The following PEX13 variants were observed in gnomAD, a reference collection of about 807,000 sequenced individuals.
PEX13 encodes the protein peroxisomal biogenesis factor 13.
PEX13 carries 28 observed loss-of-function variants against 34.5 expected under a neutral mutation model. The ratio of observed to expected loss-of-function variants is 0.81; its 90% CI spans 0.60 to 1.11. PEX13 has a LOEUF of 1.11. PEX13 is among the 50% of genes most tolerant of loss of function. PEX13 has a pLI of 0.00. For missense variants in PEX13, 550 were observed against 491.0 expected (o/e 1.12, Z -1.13); for synonymous variants, 177 against 175.1 (o/e 1.01, Z -0.09).
At chr2:61,031,304 T>G (rs892617046) in intron 1 of PEX13, 115 bp from the exon 2 acceptor site, 1 of 786,370 alleles carries the variant, frequency 1.3e-6, no homozygotes, top group Non-Finnish European at 2.2e-6. Flanking sequence ...AATCAATTAA[T>G]CAGTCTTCAG....
At chr2:61,036,131 G>A (rs1680530544) in intron 2 of PEX13, among the ~76,000 whole-genome samples, 2 of 152,178 alleles carry the variant, frequency 1.3e-5, no homozygotes, top group South Asian at 4.1e-4. Context: ...ACGGGACTAT[G>A]TGAAAAGACC....
At chr2:61,036,123 G>C (rs550877992) in intron 2 of PEX13, among the ~76,000 whole-genome samples, 1 of 152,056 alleles carries the variant, frequency 6.6e-6, no homozygotes, top group Non-Finnish European at 1.5e-5. Context: ...CAAGAAATAC[G>C]GGACTATGTG....
At position 61,049,741 on chromosome 2, in the gene PEX13, C is replaced by T. The variant is rs1044128474; in HGVS notation, c.*971C>T. 5 of 152,196 alleles carry T rather than the reference C, an allele frequency of 3.3e-5. No individual in the cohort carries two copies. The highest frequency in any genetic ancestry group is 9.7e-5 in the African/African-American group (4 of 41,444). The allele number at this position is 152,196 out of a possible 1,614,324, so 9.4% of individuals were successfully genotyped here. On this transcript the variant is annotated 3_prime_UTR_variant, in exon 4 of 4. Transcript: ENST00000295030. ...CTGAGCCGGAGATCTCGCCATTGCA[C>T]TTCAGCCTGGGCAACAAAAGCGAAA...
intron 2 of PEX13, among the ~76,000 whole-genome samples, chr2:61,041,909 G>A (rs1486657041): frequency 1.3e-5 from 2 of 152,070 alleles, no homozygotes; most frequent in Non-Finnish European, 2.9e-5. Context: ...AAGGAAGGAC[G>A]GTTTTTTATC....
At chr2:61,033,164 G>A (rs960329410) in intron 2 of PEX13, among the ~76,000 whole-genome samples, 3 of 152,100 alleles carry the variant, frequency 2.0e-5, no homozygotes, top group Admixed American at 6.5e-5. Flanking sequence ...AAAGGATTTG[G>A]GTTGTATTCA....
intron 3 of PEX13, 127 bp downstream of exon 3, chr2:61,045,978 T>C: frequency 1.2e-6 from 1 of 819,710 alleles, no homozygotes; most frequent in Admixed American, 2.0e-5. Context: ...GAACTTCTTT[T>C]TCATGTCAAT....
intron 3 of PEX13, among the ~76,000 whole-genome samples, chr2:61,046,360 C>T (rs999067509): frequency 6.6e-5 from 10 of 152,062 alleles, no homozygotes; most frequent in Admixed American, 1.3e-4. Context: ...TATTTTTGGA[C>T]CAAGTCACTG....
chr2:61,030,612 G>A (rs556061912), intron 1 of PEX13, among the ~76,000 whole-genome samples: 1 of 152,104 alleles, frequency 6.6e-6, no homozygotes, highest in Non-Finnish European at 1.5e-5. Context: ...TTGTGCTGTT[G>A]GCCATGAGTT....
At chr2:61,035,663 C>T (rs1212512872) in intron 2 of PEX13, among the ~76,000 whole-genome samples, 1 of 152,136 alleles carries the variant, frequency 6.6e-6, no homozygotes, top group East Asian at 1.9e-4. Context: ...AGCACAAGAA[C>T]TTCATGATGC....
chr2:61,042,736 G>A (rs1425568739), intron 2 of PEX13, among the ~76,000 whole-genome samples: 1 of 152,098 alleles, frequency 6.6e-6, no homozygotes, highest in Non-Finnish European at 1.5e-5. Context: ...CCCAAGCAAG[G>A]AAACCTGTTT....
chr2:61,048,279 A>G, intron 3 of PEX13, among the ~76,000 whole-genome samples, 193 bp from the exon 4 acceptor site: 2 of 152,358 alleles, frequency 1.3e-5, no homozygotes, highest in South Asian at 4.1e-4. Context: ...GTAAGTATAA[A>G]ATAAAAATAG....
chr2:61,036,202 C>T (rs1263945334), intron 2 of PEX13, among the ~76,000 whole-genome samples: 1 of 152,130 alleles, frequency 6.6e-6, no homozygotes, highest in Non-Finnish European at 1.5e-5. Flanking sequence ...AGTTAGAAAA[C>T]ACTCCTCAGG....
chr2:61,044,600 G>C (rs1305255950), intron 2 of PEX13, among the ~76,000 whole-genome samples: 1 of 152,024 alleles, frequency 6.6e-6, no homozygotes, highest in Admixed American at 6.6e-5. Flanking sequence ...TGGTCAGGCT[G>C]GTCTCAAACT....
intron 2 of PEX13, among the ~76,000 whole-genome samples, chr2:61,035,311 AT>A (rs1323393258): frequency 6.6e-6 from 1 of 152,194 alleles, no homozygotes; most frequent in Non-Finnish European, 1.5e-5. Flanking sequence ...CCAAAACCCC[AT>A]TTGTAGGTTG....
Position 61,031,829 on chromosome 2 carries a change from T to A in PEX13, c.503T>A (p.Phe168Tyr). 1 of 1,613,736 alleles carries A rather than the reference T, an allele frequency of 6.2e-7. No individual in the cohort carries two copies. Among genetic ancestry groups the A allele is most frequent in the South Asian group, 1.1e-5 (1 of 91,084 alleles). The change falls in exon 2 of 4, where the codon TTT becomes TAT. Residue 168 changes from phenylalanine to tyrosine, a missense_variant. Physicochemically the swap from Phe to Tyr is conservative, Grantham distance 22. Coordinates refer to ENST00000295030, the MANE Select transcript of PEX13 (RefSeq NM_002618.4). ...FRAVLDVANH[F>Y]SRLKIHFTKV... Reference sequence around the variant, plus strand: ...GCTGTATTGGATGTAGCAAATCACTTTTCCCGATTGAAAATACACTTTACA... The same window carrying A: ...GCTGTATTGGATGTAGCAAATCACTATTCCCGATTGAAAATACACTTTACA...
At chr2:61,043,036 G>A (rs954202532) in intron 2 of PEX13, among the ~76,000 whole-genome samples, 2 of 152,042 alleles carry the variant, frequency 1.3e-5, no homozygotes, top group African/African-American at 4.8e-5. Context: ...TTACTCTCTC[G>A]CATGCACTCT....
intron 2 of PEX13, among the ~76,000 whole-genome samples, chr2:61,038,611 T>A (rs1446339679): frequency 6.6e-6 from 1 of 152,144 alleles, no homozygotes; most frequent in Non-Finnish European, 1.5e-5. Context: ...TATCTCAAAA[T>A]AATAAAAGGT....
At chr2:61,019,706 G>C (rs1194217640) in intron 1 of PEX13, among the ~76,000 whole-genome samples, 1 of 152,058 alleles carries the variant, frequency 6.6e-6, no homozygotes, top group East Asian at 1.9e-4. Context: ...ATGTAGTTCT[G>C]TTTTGGGCAT....
At chr2:61,034,742 G>C (rs1448481572) in intron 2 of PEX13, among the ~76,000 whole-genome samples, 1 of 152,250 alleles carries the variant, frequency 6.6e-6, no homozygotes, top group Non-Finnish European at 1.5e-5. Context: ...CAACGCTGCA[G>C]CTTGATGGGG....
Sources: allele counts gnomAD v4.1 joint callset (sites outside exome capture counted in the v4.1 genomes callset), GRCh38; gene constraint gnomAD v4.1.1; transcripts MANE v1.5; gene names NCBI Gene and HGNC (gene_info 2026-07-23, HGNC 2026-07-21).